Variants in PRELID2 observed in about 807,000 individuals in gnomAD.
PRELID2 encodes the protein PRELI domain-containing protein 2.
A neutral mutation model predicts 28.4 loss-of-function variants in PRELID2; 25 were observed. The observed-to-expected ratio is 0.88, with a 90% CI of 0.64 to 1.23. The LOEUF (loss-of-function observed/expected upper bound fraction) is 1.23. PRELID2 is among the 50% of genes most tolerant of loss of function. The pLI, the probability that PRELID2 is intolerant of heterozygous loss-of-function variation, is 0.00. For missense variants in PRELID2, 201 were observed against 214.4 expected (o/e 0.94, Z 0.39); for synonymous variants, 76 against 71.6 (o/e 1.06, Z -0.31).
intron 1 of PRELID2, 66 bp downstream of exon 1, chr5:145,835,111 A>G (rs1755849874): frequency 2.7e-6 from 3 of 1,112,820 alleles, no homozygotes; most frequent in Admixed American, 2.1e-5. Flanking sequence ...GCGTGGATGA[A>G]GGAGAGGAGA....
chr5:145,587,911 G>A (rs1753176125), intron 1 of PRELID2, among the ~76,000 whole-genome samples: 1 of 152,162 alleles, frequency 6.6e-6, no homozygotes, highest in African/African-American at 2.4e-5. Flanking sequence ...GATAGCAAAT[G>A]AGTAAGAAGG....
intron 4 of PRELID2, among the ~76,000 whole-genome samples, chr5:145,801,092 T>C (rs1753107593): frequency 6.6e-6 from 1 of 152,220 alleles, no homozygotes. Flanking sequence ...TTACTTGCTT[T>C]GGTCTTCTTT....
intron 1 of PRELID2, among the ~76,000 whole-genome samples, chr5:145,502,249 A>G (rs1752366117): frequency 6.6e-6 from 1 of 152,050 alleles, no homozygotes; most frequent in Non-Finnish European, 1.5e-5. Flanking sequence ...GAGAGAGAGG[A>G]GAGGTGCTAC....
At chr5:145,679,669 G>C (rs556563460) in intron 1 of PRELID2, among the ~76,000 whole-genome samples, 56 of 152,110 alleles carry the variant, frequency 3.7e-4, no homozygotes, top group African/African-American at 1.2e-3. Context: ...GAAGCTAATG[G>C]TGATGAAGTT....
intron 1 of PRELID2, among the ~76,000 whole-genome samples, chr5:145,473,793 G>A (rs1372248639): frequency 6.6e-6 from 1 of 152,100 alleles, no homozygotes; most frequent in Non-Finnish European, 1.5e-5. Context: ...CTTCAGATGA[G>A]CCTTAATTTT....
chr5:145,654,701 C>T (rs1754361473), intron 1 of PRELID2, among the ~76,000 whole-genome samples: 1 of 152,102 alleles, frequency 6.6e-6, no homozygotes, highest in Admixed American at 6.6e-5. Flanking sequence ...TTCAACAACC[C>T]TTCATGCTAA....
the PRELID2 span, among the ~76,000 whole-genome samples, chr5:145,287,066 T>C: frequency 2.0e-5 from 3 of 152,168 alleles, no homozygotes; most frequent in African/African-American, 7.2e-5. Context: ...TTTGAACTAT[T>C]AATATATTTT....
At chr5:145,701,243 G>C (rs779028722) in intron 1 of PRELID2, among the ~76,000 whole-genome samples, 1 of 152,178 alleles carries the variant, frequency 6.6e-6, no homozygotes, top group African/African-American at 2.4e-5. Flanking sequence ...TGGCAACAGA[G>C]GAAGCATGCT....
intron 4 of PRELID2, among the ~76,000 whole-genome samples, chr5:145,807,210 T>A (rs1408723025): frequency 6.6e-6 from 1 of 152,170 alleles, no homozygotes; most frequent in Non-Finnish European, 1.5e-5. Context: ...CACCTTAATA[T>A]ATGCGGTCTG....
the PRELID2 span, among the ~76,000 whole-genome samples, chr5:145,319,766 C>T: frequency 6.6e-6 from 1 of 152,048 alleles, no homozygotes; most frequent in African/African-American, 2.4e-5. Context: ...ATTAAAGGTG[C>T]TTATTCATAA....
intron 1 of PRELID2, among the ~76,000 whole-genome samples, chr5:145,743,225 A>G (rs1299434330): frequency 6.6e-6 from 1 of 151,894 alleles, no homozygotes; most frequent in Non-Finnish European, 1.5e-5. Context: ...CCTGGCCAAC[A>G]TGGTGAAACC....
the PRELID2 span, among the ~76,000 whole-genome samples, chr5:145,333,586 T>C: frequency 2.6e-5 from 4 of 152,068 alleles, no homozygotes; most frequent in African/African-American, 4.8e-5. Context: ...GAAAACTGCC[T>C]ACTCAAGCCT....
the PRELID2 span, among the ~76,000 whole-genome samples, chr5:145,307,872 A>C: frequency 6.6e-6 from 1 of 152,166 alleles, no homozygotes; most frequent in Non-Finnish European, 1.5e-5. Flanking sequence ...TGACCTGGAC[A>C]TCTATGTACG....
the PRELID2 span, among the ~76,000 whole-genome samples, chr5:145,333,881 T>C: frequency 0.22 from 32,567 of 151,348 alleles, 3,823 homozygotes; most frequent in South Asian, 0.33. Context: ...CGCCCAGTTT[T>C]GTGCTTAAAA....
chr5:145,291,375 TG>T, the PRELID2 span, among the ~76,000 whole-genome samples: 4 of 146,686 alleles, frequency 2.7e-5, no homozygotes, highest in African/African-American at 1.1e-4. Context: ...GAGGGGTATT[TG>T]GATACAGACA....
the PRELID2 span, among the ~76,000 whole-genome samples, chr5:145,408,731 C>T: frequency 2.0e-5 from 3 of 151,916 alleles, no homozygotes; most frequent in Non-Finnish European, 4.4e-5. Context: ...GTTTAACGAT[C>T]AGATGTAAGA....
At chr5:145,282,313 C>G in the PRELID2 span, among the ~76,000 whole-genome samples, 1 of 152,068 alleles carries the variant, frequency 6.6e-6, no homozygotes, top group African/African-American at 2.4e-5. Context: ...ATTATTGTGC[C>G]TAACCATTTG....
chr5:145,696,378 C>G lies in PRELID2; in HGVS notation n.70+68553G>C, dbSNP rs79290319. On this transcript the variant is annotated intron_variant and non_coding_transcript_variant, in intron 1 of 2. Transcript: ENST00000510259. ...TGGTCCCTTCCAAGCACATATACCT[C>G]AGAGACACCTTTCATTCGTTCGTTC... 6.4e-3 allele frequency among the ~76,000 whole-genome samples: 973 copies of G among 152,150 alleles called. 13 individuals are homozygous for G. Among genetic ancestry groups the G allele is most frequent in the African/African-American group, 0.02 (838 of 41,514 alleles).
intron 1 of PRELID2, among the ~76,000 whole-genome samples, chr5:145,659,264 A>G (rs952034703): frequency 2.0e-5 from 3 of 152,196 alleles, no homozygotes; most frequent in Admixed American, 6.5e-5. Context: ...GTCCAGCACC[A>G]TTATCTCATT....
Sources: allele counts gnomAD v4.1 joint callset (sites outside exome capture counted in the v4.1 genomes callset), GRCh38; gene constraint gnomAD v4.1.1; transcripts MANE v1.5; gene names NCBI Gene and HGNC (gene_info 2026-07-23, HGNC 2026-07-21).